TMTC3: variants seen among roughly 807,000 people sequenced by gnomAD.
The protein encoded by TMTC3 is protein O-mannosyl-transferase TMTC3.
A neutral mutation model predicts 92.2 loss-of-function variants in TMTC3; 52 were observed. The observed-to-expected ratio is 0.56, with a 90% CI of 0.45 to 0.71. The LOEUF (loss-of-function observed/expected upper bound fraction) is 0.71. Ranked by LOEUF, TMTC3 falls within the 30% of genes least tolerant of loss-of-function variation. The pLI is 0.00. For synonymous variants in TMTC3, 339 were observed against 363.3 expected, an observed-to-expected ratio of 0.93 and a Z score of 0.76; for missense variants, 896 against 1,057.1, an observed-to-expected ratio of 0.85 and a Z score of 2.11.
chr12:88,172,854 G>T, intron 8 of TMTC3, 109 bp downstream of exon 8: 1 of 1,478,008 alleles, frequency 6.8e-7, no homozygotes, highest in South Asian at 1.3e-5. Flanking sequence ...TGTATCTTTT[G>T]GTTTTTCATC....
At chr12:88,154,717 G>C (rs1033517140) in intron 4 of TMTC3, among the ~76,000 whole-genome samples, 1 of 152,036 alleles carries the variant, frequency 6.6e-6, no homozygotes. Context: ...CAGTATTTCA[G>C]TTGTCTTTGG....
At chr12:88,143,301 G>C (rs1179931743) in intron 1 of TMTC3, among the ~76,000 whole-genome samples, 1 of 152,044 alleles carries the variant, frequency 6.6e-6, no homozygotes, top group East Asian at 1.9e-4. Flanking sequence ...AAAAGATACT[G>C]ATTTTGTGAG....
intron 6 of TMTC3, 123 bp downstream of exon 6, chr12:88,160,974 A>T: frequency 1.0e-6 from 1 of 967,604 alleles, no homozygotes; most frequent in Non-Finnish European, 1.5e-6. Context: ...TATAATTAAC[A>T]TTTTTTAAAC....
intron 11 of TMTC3, among the ~76,000 whole-genome samples, chr12:88,189,724 G>A (rs1013657996): frequency 2.0e-5 from 3 of 151,982 alleles, no homozygotes; most frequent in African/African-American, 7.3e-5. Flanking sequence ...TGTGACCGTA[G>A]GATAGTTAAT....
intron 2 of TMTC3, among the ~76,000 whole-genome samples, chr12:88,152,874 T>G (rs1166861649): frequency 6.6e-6 from 1 of 152,212 alleles, no homozygotes; most frequent in Non-Finnish European, 1.5e-5. Context: ...CATTCTGTTC[T>G]TACATTTCCT....
In TMTC3 at chr12:88,195,650, CAT is replaced by C. The variant is rs748732705; in HGVS notation, c.*2_*3del. 7.6e-6 allele frequency: 12 copies of C among 1,573,284 alleles called. No individual in the cohort carries two copies. The highest frequency in any genetic ancestry group is 8.6e-6 in the Non-Finnish European group (10 of 1,162,864). ...TGAACGTATTTTAAATGGTGAATAA[CAT>C]TAATATTTATCGTGACAATGGTATC... On this transcript the variant is annotated 3_prime_UTR_variant, in exon 14 of 14. Transcript: ENST00000266712.
In TMTC3 at chr12:88,197,666, A is replaced by G. The variant is rs1225122720; in HGVS notation, c.*2017A>G. On this transcript the variant is annotated 3_prime_UTR_variant, in exon 14 of 14. Coordinates refer to ENST00000266712, the MANE Select transcript of TMTC3 (RefSeq NM_181783.4). ...AATGTTATCCAATGATTTTTATTAA[A>G]AAATTACCTTATTATTAGAACTGTG... 1 of 151,990 alleles carries G rather than the reference A, an allele frequency of 6.6e-6. No homozygotes were observed. The highest frequency in any genetic ancestry group is 1.5e-5 in the Non-Finnish European group (1 of 67,890). 9.4% of individuals were successfully genotyped at this position (151,990 alleles called of 1,614,324 possible). A position where few individuals can be genotyped will look rare whatever the true frequency, so the allele number is the denominator to read the frequency against.
chr12:88,199,155 T>A lies in TMTC3; in HGVS notation c.*3506T>A, dbSNP rs2041552415. On this transcript the variant is annotated 3_prime_UTR_variant, in exon 14 of 14. Coordinates refer to ENST00000266712, the MANE Select transcript of TMTC3 (RefSeq NM_181783.4). ...AAGACATTAAATAAGTTTCTGAGAG[T>A]GATACATTTTCAAACATGAGGAGTG... 1 of 151,840 alleles carries A rather than the reference T, an allele frequency of 6.6e-6. No homozygotes were observed. The highest frequency in any genetic ancestry group is 1.5e-5 in the Non-Finnish European group (1 of 67,896). The allele number at this position is 151,840 out of a possible 1,614,324, so 9.4% of individuals were successfully genotyped here.
Position 88,187,611 on chromosome 12 carries a change from T to A in TMTC3, c.1433-1232T>A, listed in dbSNP as rs1592749210. The stretch of plus-strand genomic sequence containing the variant: ...TCCTTACTCCTAAACTTATCTATAA[T>A]CAAACCTGGACCGCATCTGCCAGTT... On this transcript the variant is annotated intron_variant, in intron 10 of 13. Coordinates refer to ENST00000266712, the MANE Select transcript of TMTC3 (RefSeq NM_181783.4). Among the ~76,000 whole-genome samples the A allele has an allele frequency of 2.0e-5, 3 of 152,148 alleles. No homozygotes were observed. In the East Asian group the frequency reaches 5.8e-4, roughly 29 times the overall value.
At chr12:88,192,500 G>GA (rs11440552) in intron 12 of TMTC3, 104 bp from the exon 13 acceptor site, 74,402 of 732,900 alleles carry the variant, frequency 0.1, 13,409 homozygotes, top group African/African-American at 0.65. Context: ...TGAGTTAAGA[G>GA]AAAAAAAAGC....
chr12:88,175,155 C>T (rs2041245475), intron 9 of TMTC3, among the ~76,000 whole-genome samples: 1 of 149,070 alleles, frequency 6.7e-6, no homozygotes, highest in African/African-American at 2.5e-5. Flanking sequence ...GGCATCAATT[C>T]AGTAAAATAA....
chr12:88,146,547 C>A lies in TMTC3; in HGVS notation c.-28-1741C>A, dbSNP rs542755344. The stretch of plus-strand genomic sequence containing the variant: ...TGGATAACTATAAGCACATGAGTGA[C>A]CCCAGGCACAACTAACAGAAGAACC... On this transcript the variant is annotated intron_variant, in intron 1 of 13. Transcript: ENST00000266712. 5.3e-5 allele frequency among the ~76,000 whole-genome samples: 8 copies of A among 151,280 alleles called. No individual in the cohort carries two copies. The East Asian group carries it at 1.4e-3, about 26-fold the overall frequency.
chr12:88,158,887 A>C (rs1241153513), intron 4 of TMTC3, among the ~76,000 whole-genome samples: 1 of 151,992 alleles, frequency 6.6e-6, no homozygotes, highest in Admixed American at 6.6e-5. Flanking sequence ...TCCCGTCTCT[A>C]CTAAAAAATA....
intron 6 of TMTC3, among the ~76,000 whole-genome samples, chr12:88,165,790 G>T (rs951956343): frequency 6.6e-5 from 10 of 152,046 alleles, no homozygotes; most frequent in Non-Finnish European, 1.2e-4. Flanking sequence ...AGCTTCCTAG[G>T]AGTCAAAGAA....
chr12:88,158,988 G>A (rs2041042796), intron 4 of TMTC3, among the ~76,000 whole-genome samples: 1 of 150,494 alleles, frequency 6.6e-6, no homozygotes, highest in East Asian at 2.0e-4. Flanking sequence ...GGAGGCAGAG[G>A]TTGCAGTGAA....
At chr12:88,148,579 CTTTATCAACA>C in intron 2 of TMTC3, 75 bp downstream of exon 2, 1 of 1,099,764 alleles carries the variant, frequency 9.1e-7, no homozygotes, top group East Asian at 2.5e-5. Context: ...ACTTCTAATT[CTTTATCAACA>C]TTATCATCAC....
At position 88,199,104 on chromosome 12, in the gene TMTC3, C is replaced by T. The variant is rs548706569; in HGVS notation, c.*3455C>T. The stretch of plus-strand genomic sequence containing the variant: ...GATTTCTTTTATGAAGAAGAGCTGA[C>T]GTAATTTATTAGCAGTGATCTGAGA... On this transcript the variant is annotated 3_prime_UTR_variant, in exon 14 of 14. Coordinates refer to ENST00000266712, the MANE Select transcript of TMTC3 (RefSeq NM_181783.4). The T allele has an allele frequency of 5.3e-5, 8 of 151,772 alleles. No individual in the cohort carries two copies. The highest frequency in any genetic ancestry group is 1.9e-4 in the East Asian group (1 of 5,156). The allele number at this position is 151,772 out of a possible 1,614,324, so 9.4% of individuals were successfully genotyped here.
At chr12:88,160,971 A>G in intron 6 of TMTC3, 120 bp downstream of exon 6, 2 of 969,206 alleles carry the variant, frequency 2.1e-6, no homozygotes, top group Non-Finnish European at 3.0e-6. Flanking sequence ...AGCTATAATT[A>G]ACATTTTTTA....
chr12:88,194,377 C>G (rs993381166), intron 13 of TMTC3, among the ~76,000 whole-genome samples: 22 of 152,204 alleles, frequency 1.4e-4, no homozygotes, highest in Middle Eastern at 6.8e-3. Context: ...GTAATAGTTA[C>G]TATTTGCTGA....
Sources: gnomAD v4.1 joint callset for allele counts (sites outside exome capture counted in the v4.1 genomes callset) on GRCh38, gnomAD v4.1.1 for gene constraint, MANE v1.5 for transcripts, NCBI Gene and HGNC (gene_info 2026-07-23, HGNC 2026-07-21) for gene names.